Variants in DLGAP4 observed in about 807,000 individuals in gnomAD.
The protein encoded by DLGAP4 is disks large-associated protein 4.
Under a neutral mutation model 86.9 loss-of-function variants are expected in DLGAP4, and 18 were observed. The observed-to-expected ratio is 0.21, with a 90% CI of 0.14 to 0.31. The LOEUF is 0.31. Ranked by LOEUF, DLGAP4 falls within the 10% of genes least tolerant of loss-of-function variation. DLGAP4 has a pLI of 1.00. For synonymous variants in DLGAP4, 548 were observed against 574.3 expected (o/e 0.95, Z 0.65); for missense variants, 1,085 against 1,362.6 (o/e 0.80, Z 3.21).
At chr20:36,396,272 T>G (rs1436804811) in intron 2 of DLGAP4, among the ~76,000 whole-genome samples, 1 of 87,526 alleles carries the variant, frequency 1.1e-5, no homozygotes, top group Non-Finnish European at 2.5e-5. Context: ...AGATCTGGTG[T>G]TCCCACATCT....
intron 10 of DLGAP4, among the ~76,000 whole-genome samples, chr20:36,503,479 CTTTTTT>C (rs982287997): frequency 1.8e-5 from 2 of 109,906 alleles, no homozygotes; most frequent in African/African-American, 9.6e-5. Context: ...CATATATGGC[CTTTTTT>C]TTTTTTTTTT....
In DLGAP4 at chr20:36,413,066, G is replaced by A. The variant is rs185097032; in HGVS notation, c.-72-18580G>A. The stretch of plus-strand genomic sequence containing the variant: ...GCGATCTTGGCTCACTGCAACCTCC[G>A]CCTCCTGGGTTTAAGCGATTCTTGT... On this transcript the variant is annotated intron_variant, in intron 2 of 12. Coordinates refer to ENST00000339266, the MANE Select transcript of DLGAP4 (RefSeq NM_001365621.2). 3.6e-4 allele frequency among the ~76,000 whole-genome samples: 53 copies of A among 146,870 alleles called. 1 individual carries two copies. Among genetic ancestry groups the A allele is most frequent in the Admixed American group, 2.9e-3 (41 of 14,212 alleles).
intron 7 of DLGAP4, among the ~76,000 whole-genome samples, chr20:36,474,309 G>A (rs1038675594): frequency 3.3e-5 from 5 of 152,172 alleles, no homozygotes; most frequent in African/African-American, 1.2e-4. Context: ...TTAGGGGAGA[G>A]GCGAATGCTC....
intron 2 of DLGAP4, among the ~76,000 whole-genome samples, chr20:36,424,063 G>C (rs1019213630): frequency 6.6e-6 from 1 of 152,198 alleles, no homozygotes; most frequent in Non-Finnish European, 1.5e-5. Flanking sequence ...AGGAGGGGAA[G>C]AAGTAGAATC....
chr20:36,417,328 A>G (rs903350121), intron 2 of DLGAP4, among the ~76,000 whole-genome samples: 1 of 152,232 alleles, frequency 6.6e-6, no homozygotes, highest in African/African-American at 2.4e-5. Flanking sequence ...GGAGACTGGC[A>G]TGGCTTTGGT....
At chr20:36,441,815 C>G (rs1002435572) in intron 5 of DLGAP4, among the ~76,000 whole-genome samples, 15 of 152,174 alleles carry the variant, frequency 9.9e-5, no homozygotes, top group Non-Finnish European at 1.8e-4. Flanking sequence ...ATGTCTCTCT[C>G]TGTGTCTGTC....
In DLGAP4 at chr20:36,430,287, G is replaced by A. The variant is rs151256921; in HGVS notation, c.-72-1359G>A. Among the ~76,000 whole-genome samples, 1,074 of 152,278 alleles carry A rather than the reference G, an allele frequency of 7.1e-3. 6 individuals carry two copies. Among genetic ancestry groups the A allele is most frequent in the Non-Finnish European group, 0.011 (762 of 68,026 alleles). ...TATTGACTCTGAGAGCTCTATTCCA[G>A]GCCATCTTTGCTTCATCTCAATTGG... On this transcript the variant is annotated intron_variant, in intron 2 of 12. Transcript: ENST00000339266.
intron 10 of DLGAP4, among the ~76,000 whole-genome samples, chr20:36,508,426 T>G (rs1363749215): frequency 1.3e-4 from 19 of 143,138 alleles, no homozygotes; most frequent in Non-Finnish European, 2.8e-4. Flanking sequence ...AGGGTTCTTT[T>G]TTTTTTTTTT....
rs2030763927 is a variant in DLGAP4 at position 36,368,094 on chromosome 20, GC to G, written c.-73+823del. Among the ~76,000 whole-genome samples, 4 of 152,250 alleles carry G rather than the reference GC, an allele frequency of 2.6e-5. No homozygotes were observed. In the South Asian group the frequency reaches 8.3e-4, roughly 31 times the overall value. ...TTCCCTTCTGGCCAACTAGCAGCTG[GC>G]CCCGTGCCTGGCATACAGTGGGTAC... On this transcript the variant is annotated intron_variant, in intron 2 of 12. Transcript: ENST00000339266.
chr20:36,519,543 C>T (rs1318007384), intron 10 of DLGAP4, among the ~76,000 whole-genome samples: 3 of 152,300 alleles, frequency 2.0e-5, no homozygotes, highest in South Asian at 2.1e-4. Context: ...GTGAGTCAAA[C>T]TGCTATAAAT....
At chr20:36,452,889 A>T (rs1203475910) in intron 7 of DLGAP4, among the ~76,000 whole-genome samples, 1 of 143,706 alleles carries the variant, frequency 7.0e-6, no homozygotes, top group East Asian at 2.0e-4. Context: ...CTGGAGTGCA[A>T]TGGCATGATC....
chr20:36,434,223 G>A (rs1469632603), intron 3 of DLGAP4, among the ~76,000 whole-genome samples: 1 of 150,906 alleles, frequency 6.6e-6, no homozygotes, highest in African/African-American at 2.4e-5. Flanking sequence ...GATTACTGAC[G>A]TGAGCCACTG....
At chr20:36,380,409 A>G (rs2031330409) in intron 2 of DLGAP4, among the ~76,000 whole-genome samples, 1 of 151,980 alleles carries the variant, frequency 6.6e-6, no homozygotes, top group Non-Finnish European at 1.5e-5. Context: ...CCTGTCTCAA[A>G]AAAAGTAAAA....
chr20:36,325,814 T>C (rs2065210689), intron 1 of DLGAP4, among the ~76,000 whole-genome samples: 1 of 151,220 alleles, frequency 6.6e-6, no homozygotes. Context: ...ACCTCCCGGG[T>C]TCAAGCGATT....
At chr20:36,346,948 G>A (rs1207080240) in intron 1 of DLGAP4, among the ~76,000 whole-genome samples, 1 of 152,146 alleles carries the variant, frequency 6.6e-6, no homozygotes, top group Non-Finnish European at 1.5e-5. Context: ...CTTCGGTGGT[G>A]GAAACTTGGG....
intron 9 of DLGAP4, among the ~76,000 whole-genome samples, 168 bp downstream of exon 9, chr20:36,499,844 G>A (rs551850271): frequency 7.2e-4 from 109 of 152,232 alleles, no homozygotes; most frequent in Admixed American, 4.1e-3. Flanking sequence ...AGGGGCGGGC[G>A]GGTGGACAGA....
At chr20:36,504,227 A>G (rs1038890912) in intron 10 of DLGAP4, among the ~76,000 whole-genome samples, 13 of 152,166 alleles carry the variant, frequency 8.5e-5, no homozygotes, top group Non-Finnish European at 1.8e-4. Context: ...GAATCTACCT[A>G]TTAAACAGTA....
intron 1 of DLGAP4, among the ~76,000 whole-genome samples, chr20:36,335,827 G>A (rs1267037154): frequency 4.6e-5 from 7 of 152,122 alleles, no homozygotes; most frequent in Non-Finnish European, 1.0e-4. Flanking sequence ...CCTCCTTTGG[G>A]ACCTGGTTTC....
intron 10 of DLGAP4, among the ~76,000 whole-genome samples, chr20:36,505,353 T>C (rs989221162): frequency 6.6e-6 from 1 of 152,144 alleles, no homozygotes; most frequent in African/African-American, 2.4e-5. Context: ...TCTCCACTTA[T>C]TTTTTTAAAT....
Sources: allele counts gnomAD v4.1 joint callset (sites outside exome capture counted in the v4.1 genomes callset), GRCh38; gene constraint gnomAD v4.1.1; transcripts MANE v1.5; gene names NCBI Gene and HGNC (gene_info 2026-07-23, HGNC 2026-07-21).